MGAT4C: variants seen among roughly 807,000 people sequenced by gnomAD.
MGAT4C encodes MGAT4 family member C, also known as alpha-1,3-mannosyl-glycoprotein 4-beta-N-acetylglucosaminyltransferase C.
A neutral mutation model predicts 40.1 loss-of-function variants in MGAT4C; 19 were observed. The observed-to-expected ratio is 0.47, with a 90% CI of 0.33 to 0.70. The LOEUF (loss-of-function observed/expected upper bound fraction) is 0.70. MGAT4C is among the 30% of genes least tolerant of loss of function. MGAT4C has a pLI of 0.02. For synonymous variants in MGAT4C, 181 were observed against 187.1 expected, an observed-to-expected ratio of 0.97 and a Z score of 0.27; for missense variants, 491 against 563.2, an observed-to-expected ratio of 0.87 and a Z score of 1.30.
chr12:86,033,459 G>A (rs1036472086), intron 2 of MGAT4C, among the ~76,000 whole-genome samples: 1 of 149,056 alleles, frequency 6.7e-6, no homozygotes, highest in African/African-American at 2.4e-5. Context: ...CTCTCACTGT[G>A]GAAGTATTTC....
chr12:86,648,820 C>T (rs902449242), intron 2 of MGAT4C, among the ~76,000 whole-genome samples: 1 of 151,830 alleles, frequency 6.6e-6, no homozygotes, highest in African/African-American at 2.4e-5. Flanking sequence ...AATTGTTAGA[C>T]TAGTTTTGGT....
chr12:86,200,933 A>G (rs1490206111), intron 1 of MGAT4C, among the ~76,000 whole-genome samples: 2 of 152,196 alleles, frequency 1.3e-5, no homozygotes, highest in Admixed American at 1.3e-4. Context: ...ATGTGAGGAC[A>G]TGGTGAGAAG....
intron 2 of MGAT4C, among the ~76,000 whole-genome samples, chr12:86,679,605 G>A (rs904087260): frequency 6.6e-6 from 1 of 152,062 alleles, no homozygotes; most frequent in African/African-American, 2.4e-5. Context: ...GCCATTTGGA[G>A]GTGATTAAGT....
At chr12:86,100,929 C>G (rs1874897184) in intron 1 of MGAT4C, among the ~76,000 whole-genome samples, 1 of 151,594 alleles carries the variant, frequency 6.6e-6, no homozygotes, top group African/African-American at 2.4e-5. Flanking sequence ...AGATTGTCTT[C>G]ATAATTTATG....
chr12:86,723,186 T>C (rs1048851965), intron 2 of MGAT4C, among the ~76,000 whole-genome samples: 1 of 152,204 alleles, frequency 6.6e-6, no homozygotes, highest in Admixed American at 6.5e-5. Flanking sequence ...AGTTTCATCG[T>C]TGTTCCTCAG....
chr12:86,419,373 G>T (rs138911679), intron 3 of MGAT4C, among the ~76,000 whole-genome samples: 5 of 151,208 alleles, frequency 3.3e-5, no homozygotes, highest in Non-Finnish European at 4.4e-5. Flanking sequence ...GCCTCTTTGA[G>T]ATATACATAC....
chr12:86,371,380 A>C (rs2136211714), intron 3 of MGAT4C, among the ~76,000 whole-genome samples: 1 of 152,138 alleles, frequency 6.6e-6, no homozygotes, highest in African/African-American at 2.4e-5. Context: ...TACTGCTGCT[A>C]AAGGGATCTT....
chr12:86,590,807 T>C lies in MGAT4C; in HGVS notation c.-229+136402A>G, dbSNP rs1961300897. ...CTCCTGCTTTACACCTGAAAGCAGA[T>C]GGAGGCAGATTGCATTATGAGTTCA... On this transcript the variant is annotated intron_variant, in intron 2 of 7. Coordinates refer to the MGAT4C transcript ENST00000548651. 2.6e-5 allele frequency among the ~76,000 whole-genome samples: 4 copies of C among 152,086 alleles called. No individual in the cohort carries two copies. The South Asian group carries it at 8.3e-4, about 32-fold the overall frequency.
rs1025876182 is a variant in MGAT4C at position 86,427,385 on chromosome 12, A to G, written c.-120+7772T>C. Among the ~76,000 whole-genome samples, 6 of 152,086 alleles carry G rather than the reference A, an allele frequency of 3.9e-5. No individual in the cohort carries two copies. In the East Asian group the frequency reaches 5.8e-4, roughly 15 times the overall value. On this transcript the variant is annotated intron_variant, in intron 3 of 7. Transcript: ENST00000548651. ...AGATAATTATACATATTATAATTAT[A>G]GTATATATTTTCTTTTACTTTTTAT... is the stretch of plus-strand genomic sequence containing the variant.
At chr12:86,433,990 G>A (rs1404851313) in intron 3 of MGAT4C, among the ~76,000 whole-genome samples, 1 of 151,966 alleles carries the variant, frequency 6.6e-6, no homozygotes, top group Non-Finnish European at 1.5e-5. Context: ...AATACCTATT[G>A]AAGTTATCAG....
At chr12:86,742,255 T>C (rs969525824) in intron 1 of MGAT4C, among the ~76,000 whole-genome samples, 1 of 151,502 alleles carries the variant, frequency 6.6e-6, no homozygotes, top group African/African-American at 2.4e-5. Context: ...TTGCACTCCC[T>C]ATTTGGAATA....
intron 1 of MGAT4C, among the ~76,000 whole-genome samples, chr12:86,138,415 T>C (rs1882286958): frequency 6.6e-6 from 1 of 150,408 alleles, no homozygotes; most frequent in Admixed American, 6.7e-5. Context: ...AAACTCAATG[T>C]ATCTCAATGA....
chr12:85,981,841 AAGC>A (rs1454995482), intron 4 of MGAT4C, among the ~76,000 whole-genome samples: 13 of 152,278 alleles, frequency 8.5e-5, no homozygotes, highest in Admixed American at 4.6e-4. Flanking sequence ...CTCTGGTAGA[AAGC>A]AGTTGGCATG....
chr12:86,513,485 T>C (rs1958627666), intron 2 of MGAT4C, among the ~76,000 whole-genome samples: 2 of 152,178 alleles, frequency 1.3e-5, no homozygotes, highest in Admixed American at 1.3e-4. Context: ...TGCTGTAGTT[T>C]TATGGATGCT....
chr12:86,121,991 T>C (rs1879450374), intron 1 of MGAT4C, among the ~76,000 whole-genome samples: 1 of 152,176 alleles, frequency 6.6e-6, no homozygotes, highest in Non-Finnish European at 1.5e-5. Context: ...TTAACACAAG[T>C]ATATTCTCTT....
intron 2 of MGAT4C, among the ~76,000 whole-genome samples, chr12:85,999,828 C>T (rs145849399): frequency 1.2e-4 from 18 of 151,998 alleles, no homozygotes; most frequent in Non-Finnish European, 2.4e-4. Flanking sequence ...AAGTTGAACT[C>T]GTAAAAGCAG....
At chr12:86,182,545 ACTTGCTTTCCTCTCTCTTCCTCCCTTC>A (rs1888243859) in intron 1 of MGAT4C, among the ~76,000 whole-genome samples, 1 of 150,762 alleles carries the variant, frequency 6.6e-6, no homozygotes, top group Non-Finnish European at 1.5e-5. Flanking sequence ...CTCCCTTCCT[ACTTGCTTTCCTCTCTCTTCCTCCCTTC>A]CTTTCTTCTT....
chr12:86,714,593 C>T (rs547330170), intron 2 of MGAT4C, among the ~76,000 whole-genome samples: 8 of 152,176 alleles, frequency 5.3e-5, no homozygotes, highest in Admixed American at 5.2e-4. Context: ...TCTTTGCCTG[C>T]CACCATGTAA....
intron 2 of MGAT4C, among the ~76,000 whole-genome samples, chr12:86,517,245 A>G (rs1204526988): frequency 6.6e-6 from 1 of 152,232 alleles, no homozygotes; most frequent in African/African-American, 2.4e-5. Context: ...ACTAAAGACC[A>G]TTGAATTGTA....
Sources: gnomAD v4.1 joint callset for allele counts (sites outside exome capture counted in the v4.1 genomes callset) on GRCh38, gnomAD v4.1.1 for gene constraint, MANE v1.5 for transcripts, NCBI Gene and HGNC (gene_info 2026-07-23, HGNC 2026-07-21) for gene names.